FBXO41: variants seen among roughly 807,000 people sequenced by gnomAD.
The protein encoded by FBXO41 is F-box only protein 41.
FBXO41 carries 33 observed loss-of-function variants against 81.6 expected under a neutral mutation model. The ratio of observed to expected loss-of-function variants is 0.40; its 90% CI spans 0.31 to 0.54. The LOEUF (loss-of-function observed/expected upper bound fraction) is 0.54, where lower values mean the gene tolerates loss of function less well. Ranked by LOEUF, FBXO41 falls within the 20% of genes least tolerant of loss-of-function variation. The pLI is 0.39. For synonymous variants in FBXO41, 576 were observed against 552.7 expected (o/e 1.04, Z -0.59); for missense variants, 1,107 against 1,236.0 (o/e 0.90, Z 1.56).
In FBXO41 at chr2:73,263,216, G is replaced by C. The variant is rs1688082815; in HGVS notation, c.2168C>G (p.Pro723Arg). 5 of 1,554,246 alleles carry C rather than the reference G, an allele frequency of 3.2e-6. No homozygotes were observed. The South Asian group carries it at 4.8e-5, about 15-fold the overall frequency. Residue 723 changes from proline to arginine, a missense_variant, in exon 9 of 13, where the codon CCC becomes CGC. Pro to Arg is a moderately radical substitution (Grantham distance 103). Transcript: ENST00000520530. ...IVSLQVAPLH[P>R]CQQPTRFSNR... ...CCCCAAACCTGCCAGGGCTCACCAGGGGTGAAGTGGTGCCACTTGGAGGGA... is the reference window on the plus strand; with the variant it reads ...CCCCAAACCTGCCAGGGCTCACCAGCGGTGAAGTGGTGCCACTTGGAGGGA...
chr2:73,280,261 C>A (rs1213333845), intron 1 of FBXO41, among the ~76,000 whole-genome samples: 1 of 152,236 alleles, frequency 6.6e-6, no homozygotes, highest in Admixed American at 6.5e-5. Context: ...GCCACTTCCC[C>A]AGTTCAGACC....
In FBXO41 at chr2:73,269,190, C is replaced by A; in HGVS notation, c.441G>T (p.Leu147=). ...CCCCCAGCGGGATCTCGATCTCGCG[C>A]AGCGCATAGCGCGCTGCTGCGGCGG... ...LVPAAAARYA[L]REIEIPLGEL... Residue 147 remains leucine (L), a synonymous_variant, in exon 2 of 13, where the codon CTG becomes CTT. Transcript: ENST00000520530. This position sits in a 1 kb window ranked among gnomAD's most constrained non-coding sequence, Gnocchi z 7.0. 1 of 1,528,698 alleles carries A rather than the reference C, an allele frequency of 6.5e-7. No homozygotes were observed. The highest frequency in any genetic ancestry group is 8.8e-7 in the Non-Finnish European group (1 of 1,141,132). 94.7% of individuals were successfully genotyped at this position (1,528,698 alleles called of 1,614,324 possible). A position where few individuals can be genotyped will look rare whatever the true frequency, so the allele number is the denominator to read the frequency against.
Position 73,274,889 on chromosome 2 carries a change from T to TC in FBXO41, c.-138-5122_-138-5121insG, listed in dbSNP as rs1191950984. Among the ~76,000 whole-genome samples, 4 of 151,676 alleles carry TC rather than the reference T, an allele frequency of 2.6e-5. No individual in the cohort carries two copies. In the East Asian group the frequency reaches 7.8e-4, roughly 30 times the overall value. On this transcript the variant is annotated intron_variant, in intron 1 of 12. Coordinates refer to ENST00000520530, the MANE Select transcript of FBXO41 (RefSeq NM_001371389.2). Reference sequence around the variant, plus strand: ...CCTACATTTGGATTTTTTTTTTCTTTTTTTTTTTGGAAACGGAGTATCGCT... The same window carrying TC: ...CCTACATTTGGATTTTTTTTTTCTTTCTTTTTTTTGGAAACGGAGTATCGCT...
At position 73,273,502 on chromosome 2, in the gene FBXO41, T is replaced by C. The variant is rs187709806; in HGVS notation, c.-138-3734A>G. 1.1e-4 allele frequency among the ~76,000 whole-genome samples: 16 copies of C among 152,266 alleles called. No individual in the cohort carries two copies. In the East Asian group the frequency reaches 2.9e-3, roughly 28 times the overall value. On this transcript the variant is annotated intron_variant, in intron 1 of 12. Transcript: ENST00000520530. ...ATTTGGGTAGGGCTGACAGCTTCCA[T>C]TGGCTCCCAGGGAACACACATGACC... is the stretch of plus-strand genomic sequence containing the variant.
intron 5 of FBXO41, 104 bp from the exon 6 acceptor site, chr2:73,264,623 T>TG: frequency 6.6e-7 from 1 of 1,515,416 alleles, no homozygotes; most frequent in Non-Finnish European, 8.9e-7. Flanking sequence ...GGAATGGACA[T>TG]GCTGTGGTAC....
At position 73,269,706 on chromosome 2, in the gene FBXO41, C is replaced by A; in HGVS notation, c.-76G>T. 1 of 1,049,686 alleles carries A rather than the reference C, an allele frequency of 9.5e-7. No homozygotes were observed. 65.0% of individuals were successfully genotyped at this position (1,049,686 alleles called of 1,614,324 possible). A position where few individuals can be genotyped will look rare whatever the true frequency, so the allele number is the denominator to read the frequency against. ...TCAGCCGGGCGCGCTCATGGGGGAC[C>A]GCGGGCGAGGCCCCCTGCGGGGTCA... is the stretch of plus-strand genomic sequence containing the variant. On this transcript the variant is annotated 5_prime_UTR_variant, in exon 2 of 13. Transcript: ENST00000520530. This position sits in a 1 kb window ranked among gnomAD's most constrained non-coding sequence, Gnocchi z 7.0.
intron 9 of FBXO41, 71 bp downstream of exon 9, chr2:73,263,142 G>C (rs970762515): frequency 1.6e-6 from 2 of 1,235,798 alleles, no homozygotes; most frequent in Non-Finnish European, 2.3e-6. Flanking sequence ...GCTCAGATCT[G>C]CTAAGTCCTC....
intron 1 of FBXO41, among the ~76,000 whole-genome samples, chr2:73,278,622 C>A (rs1688759093): frequency 6.6e-6 from 1 of 152,164 alleles, no homozygotes; most frequent in Non-Finnish European, 1.5e-5. Flanking sequence ...AAACATTATG[C>A]AAGAGGCAGG....
rs374556639 is a variant in FBXO41 at position 73,259,078 on chromosome 2, G to A, written c.2566-34C>T. ...CGAACCCTGGGTTAGTTCTCCCTCC[G>A]TGCCAGGCAGGTGGGGCCCTCCTGC... On this transcript the variant is annotated intron_variant, in intron 12 of 12. Coordinates refer to ENST00000520530, the MANE Select transcript of FBXO41 (RefSeq NM_001371389.2). The surrounding 1 kb of genome is among the most constrained non-coding windows in gnomAD (Gnocchi z 4.2). 178 of 1,606,634 alleles carry A rather than the reference G, an allele frequency of 1.1e-4. 1 individual carries two copies. The South Asian group carries it at 1.4e-3, about 12-fold the overall frequency.
intron 1 of FBXO41, among the ~76,000 whole-genome samples, chr2:73,275,134 C>A (rs1688650076): frequency 6.6e-6 from 1 of 152,152 alleles, no homozygotes; most frequent in Non-Finnish European, 1.5e-5. Flanking sequence ...CGTGATCTGC[C>A]TGCCTCAGCC....
At chr2:73,275,807 G>C (rs1688665590) in intron 1 of FBXO41, among the ~76,000 whole-genome samples, 1 of 151,624 alleles carries the variant, frequency 6.6e-6, no homozygotes. Flanking sequence ...TTTTCTTTTG[G>C]ACAGAGTTTC....
intron 1 of FBXO41, among the ~76,000 whole-genome samples, chr2:73,273,672 G>T (rs968396371): frequency 6.6e-6 from 1 of 152,186 alleles, no homozygotes; most frequent in African/African-American, 2.4e-5. Context: ...CCCTGTCTTT[G>T]AGACAAAAGT....
chr2:73,281,328 G>A (rs2103920395), intron 1 of FBXO41, among the ~76,000 whole-genome samples: 1 of 152,338 alleles, frequency 6.6e-6, no homozygotes, highest in Middle Eastern at 3.4e-3. Context: ...TCCATACTAG[G>A]ATGAGGAAAC....
In FBXO41 at chr2:73,260,975, G is replaced by A; in HGVS notation, c.2172-117C>T. 1 of 782,938 alleles carries A rather than the reference G, an allele frequency of 1.3e-6. No individual in the cohort carries two copies. The highest frequency in any genetic ancestry group is 2.0e-6 in the Non-Finnish European group (1 of 491,936). The allele number at this position is 782,938 out of a possible 1,614,324, so 48.5% of individuals were successfully genotyped here. A position where few individuals can be genotyped will look rare whatever the true frequency, so the allele number is the denominator to read the frequency against. On this transcript the variant is annotated intron_variant, in intron 9 of 12. Transcript: ENST00000520530. The surrounding 1 kb of genome is among the most constrained non-coding windows in gnomAD (Gnocchi z 5.0). ...CAAGCATTCCTCCAACAACCCAGCAGGTCAAGTCAGAGAACCAGGATCATC... is the reference window on the plus strand; with the variant it reads ...CAAGCATTCCTCCAACAACCCAGCAAGTCAAGTCAGAGAACCAGGATCATC...
chr2:73,258,930 A>C lies in FBXO41; in HGVS notation c.*52T>G, dbSNP rs1248408053. The C allele has an allele frequency of 1.3e-6, 2 of 1,520,792 alleles. No homozygotes were observed. The highest frequency in any genetic ancestry group is 1.8e-6 in the Non-Finnish European group (2 of 1,132,418). 94.2% of individuals were successfully genotyped at this position (1,520,792 alleles called of 1,614,324 possible). Reference sequence around the variant, plus strand: ...AAACCAGGGTCCCTCTGAGGTCCAAAGAGAGTGCCCTGGTGTGGGGCTGGC... The same window carrying C: ...AAACCAGGGTCCCTCTGAGGTCCAACGAGAGTGCCCTGGTGTGGGGCTGGC... On this transcript the variant is annotated 3_prime_UTR_variant, in exon 13 of 13. Transcript: ENST00000520530.
Position 73,264,341 on chromosome 2 carries a change from G to A in FBXO41, c.1743C>T (p.Phe581=), listed in dbSNP as rs765050407. ...HAAEVCRDWR[F]VARHPAVWTR... ...TCCAGACTGCGGGGTGGCGGGCCAC[G>A]AAGCGCCAGTCCCGGCAGACCTCGG... Residue 581 remains phenylalanine (F), a synonymous_variant, in exon 6 of 13, where the codon TTC becomes TTT. Transcript: ENST00000520530. 27 of 1,613,708 alleles carry A rather than the reference G, an allele frequency of 1.7e-5. No individual in the cohort carries two copies. The highest frequency in any genetic ancestry group is 3.3e-5 in the South Asian group (3 of 91,086).
At position 73,255,984 on chromosome 2, in the gene FBXO41, A is replaced by T. The variant is rs527533967; in HGVS notation, c.*2998T>A. 1 of 152,356 alleles carries T rather than the reference A, an allele frequency of 6.6e-6. No individual in the cohort carries two copies. Among genetic ancestry groups the T allele is most frequent in the East Asian group, 1.9e-4 (1 of 5,178 alleles). 9.4% of individuals were successfully genotyped at this position (152,356 alleles called of 1,614,324 possible). A position where few individuals can be genotyped will look rare whatever the true frequency, so the allele number is the denominator to read the frequency against. ...CTTTATTCCTGCAGGGATGCATATA[A>T]GTGCACCTTCATTTCCTGCCGGTGC... is the stretch of plus-strand genomic sequence containing the variant. On this transcript the variant is annotated 3_prime_UTR_variant, in exon 13 of 13. Coordinates refer to ENST00000520530, the MANE Select transcript of FBXO41 (RefSeq NM_001371389.2).
chr2:73,283,784 G>A (rs555525678), intron 1 of FBXO41, among the ~76,000 whole-genome samples: 11 of 152,194 alleles, frequency 7.2e-5, no homozygotes, highest in Middle Eastern at 3.4e-3. Context: ...CCCTCCCCCA[G>A]CCCCTCAGAA....
Position 73,266,621 on chromosome 2 carries a change from G to T in FBXO41, c.967C>A (p.Leu323Met). The T allele has an allele frequency of 6.2e-7, 1 of 1,610,086 alleles. No homozygotes were observed. The highest frequency in any genetic ancestry group is 8.5e-7 in the Non-Finnish European group (1 of 1,178,442). Residue 323 changes from leucine (L) to methionine (M), a missense_variant, in exon 3 of 13, where the codon CTG becomes ATG. By Grantham distance (15) the Leu-to-Met change is conservative (BLOSUM62 2). Around this residue, in one of 2 missense-constraint regions of FBXO41, gnomAD observed 771 missense variants for 789.2 expected, o/e 0.98. Transcript: ENST00000520530. The surrounding 1 kb of genome is among the most constrained non-coding windows in gnomAD (Gnocchi z 5.3). Reference sequence around the variant, plus strand: ...TCCTCAATGAACTGCTGCAGCCGCAGCTTGGCGCTGGCCTCCCGCGCCGCC... The same window carrying T: ...TCCTCAATGAACTGCTGCAGCCGCATCTTGGCGCTGGCCTCCCGCGCCGCC... ...ETAAREASAK[L>M]RLQQFIEELL...
Sources: gnomAD v4.1 joint callset for allele counts (sites outside exome capture counted in the v4.1 genomes callset) on GRCh38, gnomAD v4.1.1 for gene constraint, gnomAD v4.1.1 regional missense constraint, Gnocchi (gnomAD v3.1) non-coding constraint, MANE v1.5 for transcripts, NCBI Gene and HGNC (gene_info 2026-07-23, HGNC 2026-07-21) for gene names.